Variants in APBA1 observed in about 807,000 individuals in gnomAD.
APBA1 encodes amyloid beta precursor protein binding family A member 1, also known as amyloid-beta A4 precursor protein-binding family A member 1.
In APBA1, 55 loss-of-function variants were observed where a neutral mutation model predicts 86.6. The observed-to-expected ratio is 0.64, with a 90% CI of 0.51 to 0.80. APBA1 has a LOEUF of 0.80. Ranked by LOEUF, APBA1 falls within the 30% of genes least tolerant of loss-of-function variation. The probability of loss-of-function intolerance (pLI) is 0.00; values close to 1 mark genes in which losing one functional copy is unlikely to be tolerated. For missense variants in APBA1, 1,090 were observed against 1,183.0 expected, an observed-to-expected ratio of 0.92 and a Z score of 1.15; for synonymous variants, 511 against 493.9, an observed-to-expected ratio of 1.03 and a Z score of -0.46.
At position 69,432,671 on chromosome 9, in the gene APBA1, G is replaced by A. The variant is rs1258686211; in HGVS notation, c.2307C>T (p.Cys769=). 4 of 1,581,948 alleles carry A rather than the reference G, an allele frequency of 2.5e-6. No homozygotes were observed. Among genetic ancestry groups the A allele is most frequent in the Middle Eastern group, 3.4e-4 (2 of 5,954 alleles). ...LGFSVQNGII[C]SLMRGGIAER... ...CAGCTATTCCCCCTCGCATGAGGCTGCAGATCTGCCAGAGTCAAAGGCAGA... is the reference window on the plus strand; with the variant it reads ...CAGCTATTCCCCCTCGCATGAGGCTACAGATCTGCCAGAGTCAAAGGCAGA... Residue 769 remains cysteine, a synonymous_variant, in exon 12 of 13, where the codon TGC becomes TGT. Transcript: ENST00000265381.
intron 1 of APBA1, among the ~76,000 whole-genome samples, chr9:69,541,061 T>C (rs1384092709): frequency 6.6e-6 from 1 of 152,256 alleles, no homozygotes; most frequent in Non-Finnish European, 1.5e-5. Context: ...CACGCATGTA[T>C]ATATCACATT....
chr9:69,506,247 C>T (rs145721921), intron 2 of APBA1, among the ~76,000 whole-genome samples: 6,214 of 151,668 alleles, frequency 0.041, 460 homozygotes, highest in African/African-American at 0.14. Flanking sequence ...GAGGCATTTC[C>T]TCACTTGGGA....
chr9:69,444,290 C>A (rs998543440), intron 10 of APBA1, among the ~76,000 whole-genome samples: 1 of 152,168 alleles, frequency 6.6e-6, no homozygotes, highest in African/African-American at 2.4e-5. Context: ...GTGATTCTCC[C>A]TGGGGAAATG....
chr9:69,540,444 G>A (rs1345313365), intron 1 of APBA1, among the ~76,000 whole-genome samples: 2 of 152,048 alleles, frequency 1.3e-5, no homozygotes. Context: ...ATTGCTAAGT[G>A]TAGGCACAAT....
intron 1 of APBA1, among the ~76,000 whole-genome samples, chr9:69,543,807 A>C (rs1183228287): frequency 6.6e-6 from 1 of 152,214 alleles, no homozygotes; most frequent in Admixed American, 6.5e-5. Context: ...GAAGCCATGC[A>C]TCTCTCCAAT....
intron 1 of APBA1, among the ~76,000 whole-genome samples, chr9:69,523,465 A>G (rs888915071): frequency 2.0e-4 from 17 of 86,750 alleles, no homozygotes; most frequent in South Asian, 3.3e-4. Flanking sequence ...ATGTATGTGT[A>G]TATATATATA....
At chr9:69,512,060 A>G (rs1836055777) in intron 2 of APBA1, among the ~76,000 whole-genome samples, 1 of 151,034 alleles carries the variant, frequency 6.6e-6, no homozygotes. Context: ...GTACCCTAAA[A>G]CTTAAAGTAT....
intron 1 of APBA1, among the ~76,000 whole-genome samples, chr9:69,590,002 G>C (rs981799368): frequency 3.3e-5 from 5 of 152,126 alleles, no homozygotes; most frequent in Non-Finnish European, 7.4e-5. Context: ...CCTCCTCTGA[G>C]CTGCTCTTTT....
At chr9:69,648,927 G>A (rs972391037) in intron 1 of APBA1, among the ~76,000 whole-genome samples, 2 of 152,066 alleles carry the variant, frequency 1.3e-5, no homozygotes, top group African/African-American at 4.8e-5. Context: ...GCTCCCAAAC[G>A]AGTCATTGTT....
chr9:69,555,596 G>T (rs1176428901), intron 1 of APBA1, among the ~76,000 whole-genome samples: 1 of 152,006 alleles, frequency 6.6e-6, no homozygotes, highest in Non-Finnish European at 1.5e-5. Flanking sequence ...AGTATATTTG[G>T]TATTTAACAA....
chr9:69,629,758 A>C (rs570765030), intron 1 of APBA1, among the ~76,000 whole-genome samples: 10 of 152,206 alleles, frequency 6.6e-5, no homozygotes, highest in Non-Finnish European at 1.5e-4. Flanking sequence ...CCAGTAAATG[A>C]GACTATCAGG....
At chr9:69,563,502 T>C (rs1836978616) in intron 1 of APBA1, among the ~76,000 whole-genome samples, 3 of 152,186 alleles carry the variant, frequency 2.0e-5, no homozygotes, top group African/African-American at 7.2e-5. Context: ...GCATAAAAGA[T>C]GCCTATGGGT....
intron 1 of APBA1, among the ~76,000 whole-genome samples, chr9:69,640,521 T>C (rs1019362772): frequency 1.3e-5 from 2 of 151,952 alleles, no homozygotes; most frequent in African/African-American, 4.8e-5. Context: ...GTAATATTAA[T>C]AATTATCCAT....
intron 1 of APBA1, among the ~76,000 whole-genome samples, chr9:69,556,821 C>T (rs910615175): frequency 6.6e-6 from 1 of 152,094 alleles, no homozygotes; most frequent in African/African-American, 2.4e-5. Context: ...AGGAAATTAG[C>T]AAACATTCAG....
At chr9:69,431,559 C>T (rs1299415173) in intron 12 of APBA1, among the ~76,000 whole-genome samples, 161 bp from the exon 13 acceptor site, 3 of 152,228 alleles carry the variant, frequency 2.0e-5, no homozygotes, top group Non-Finnish European at 2.9e-5. Context: ...AGGGTGGCCT[C>T]CAGGAACAGT....
At chr9:69,646,652 G>GT (rs915542304) in intron 1 of APBA1, among the ~76,000 whole-genome samples, 3 of 152,176 alleles carry the variant, frequency 2.0e-5, no homozygotes, top group Non-Finnish European at 4.4e-5. Flanking sequence ...TCTCCTGCAG[G>GT]TAAGTTACCA....
chr9:69,553,526 A>G (rs1806819855), intron 1 of APBA1, among the ~76,000 whole-genome samples: 1 of 152,176 alleles, frequency 6.6e-6, no homozygotes, highest in Admixed American at 6.6e-5. Flanking sequence ...AAATTCACCC[A>G]TGTCATTGTA....
chr9:69,645,194 GTA>G, intron 1 of APBA1, among the ~76,000 whole-genome samples: 1 of 152,154 alleles, frequency 6.6e-6, no homozygotes, highest in Non-Finnish European at 1.5e-5. Flanking sequence ...AGTATAACTT[GTA>G]TGTTTTTTAT....
intron 2 of APBA1, among the ~76,000 whole-genome samples, chr9:69,504,348 T>C (rs1361896637): frequency 6.6e-6 from 1 of 152,110 alleles, no homozygotes; most frequent in Non-Finnish European, 1.5e-5. Flanking sequence ...CATACTTGTT[T>C]TACTGTTTTG....
Sources: gnomAD v4.1 joint callset for allele counts (sites outside exome capture counted in the v4.1 genomes callset) on GRCh38, gnomAD v4.1.1 for gene constraint, MANE v1.5 for transcripts, NCBI Gene and HGNC (gene_info 2026-07-23, HGNC 2026-07-21) for gene names.